KLF17: variants seen among roughly 807,000 people sequenced by gnomAD.
The protein encoded by KLF17 is KLF transcription factor 17.
Under a neutral mutation model 34.2 loss-of-function variants are expected in KLF17, and 31 were observed. The ratio of observed to expected loss-of-function variants is 0.91; its 90% CI spans 0.68 to 1.22. KLF17 has a LOEUF of 1.22. KLF17 is among the 50% of genes most tolerant of loss of function. The pLI, the probability that KLF17 is intolerant of heterozygous loss-of-function variation, is 0.00. For missense variants in KLF17, 478 were observed against 505.2 expected (o/e 0.95, Z 0.52); for synonymous variants, 179 against 186.7 (o/e 0.96, Z 0.34).
chr1:44,094,316 T>A, the KLF17 span, among the ~76,000 whole-genome samples: 4 of 152,242 alleles, frequency 2.6e-5, no homozygotes, highest in Non-Finnish European at 4.4e-5. Flanking sequence ...TTGTTAATTG[T>A]TTCCTCTGCT....
chr1:44,127,706 T>TTC lies in KLF17; in HGVS notation c.82-1645_82-1644dup, dbSNP rs1557732075. Among the ~76,000 whole-genome samples the TTC allele has an allele frequency of 2.9e-3, 390 of 132,834 alleles. 6 individuals are homozygous for TTC. Among genetic ancestry groups the TTC allele is most frequent in the African/African-American group, 0.013 (369 of 27,964 alleles). 87.1% of individuals were successfully genotyped at this position (132,834 alleles called of 152,430 possible). A position where few individuals can be genotyped will look rare whatever the true frequency, so the allele number is the denominator to read the frequency against. On this transcript the variant is annotated intron_variant, in intron 1 of 3. Coordinates refer to ENST00000372299, the MANE Select transcript of KLF17 (RefSeq NM_173484.4). ...TCTTTCTTTCTTTTTCTTTCTTTCTTTCTTTCTTCTCTTTTCTTTCTTTCT... is the reference window on the plus strand; with the variant it reads ...TCTTTCTTTCTTTTTCTTTCTTTCTTTCTCTTTCTTCTCTTTTCTTTCTTTCT...
the KLF17 span, among the ~76,000 whole-genome samples, chr1:44,056,099 C>T: frequency 6.6e-6 from 1 of 152,208 alleles, no homozygotes; most frequent in Non-Finnish European, 1.5e-5. Context: ...GACAGTCCTT[C>T]CCTCAAGGTT....
At chr1:44,044,456 C>T in the KLF17 span, 29,985 of 152,196 alleles carry the variant, frequency 0.2, 3,201 homozygotes, top group East Asian at 0.32. Context: ...GACAGCAATT[C>T]GAAAAGAACC....
chr1:44,067,273 A>T, the KLF17 span, among the ~76,000 whole-genome samples: 1 of 152,188 alleles, frequency 6.6e-6, no homozygotes, highest in African/African-American at 2.4e-5. Context: ...TTGGCTTTGC[A>T]GACAACAGGA....
chr1:44,047,026 C>CAA, the KLF17 span, among the ~76,000 whole-genome samples: 35 of 83,478 alleles, frequency 4.2e-4, no homozygotes, highest in Non-Finnish European at 6.0e-4. Flanking sequence ...GACTCAGTCT[C>CAA]AAAAAAAAAA....
At chr1:44,060,214 A>T in the KLF17 span, among the ~76,000 whole-genome samples, 5 of 152,272 alleles carry the variant, frequency 3.3e-5, no homozygotes, top group African/African-American at 1.2e-4. Flanking sequence ...TCACACTTGT[A>T]ATCCCAGCAC....
the KLF17 span, among the ~76,000 whole-genome samples, chr1:44,056,167 A>G: frequency 6.6e-6 from 1 of 152,202 alleles, no homozygotes; most frequent in African/African-American, 2.4e-5. Flanking sequence ...AGGGAACTAC[A>G]GTTAACTAAT....
the KLF17 span, among the ~76,000 whole-genome samples, chr1:44,055,432 A>G: frequency 6.1e-3 from 922 of 152,182 alleles, 19 homozygotes; most frequent in African/African-American, 0.021. Flanking sequence ...AAGACCATAC[A>G]TTTTCCCACG....
chr1:44,110,461 C>A, the KLF17 span: 2 of 152,060 alleles, frequency 1.3e-5, no homozygotes, highest in Admixed American at 6.6e-5. Context: ...GAGTCCAAGG[C>A]GGGCAGATCA....
At chr1:44,120,375 G>A (rs887686984) in intron 1 of KLF17, among the ~76,000 whole-genome samples, 5 of 152,250 alleles carry the variant, frequency 3.3e-5, no homozygotes, top group African/African-American at 1.2e-4. Flanking sequence ...AGCAGGGAAA[G>A]GGAAATCTGC....
the KLF17 span, among the ~76,000 whole-genome samples, chr1:44,097,111 C>T: frequency 2.1e-4 from 32 of 152,150 alleles, no homozygotes; most frequent in Middle Eastern, 3.4e-3. Context: ...TTGTTTTTGT[C>T]GGGTTGATCA....
rs753421834 is a variant in KLF17, at chr1:44,127,692, T to TTCTTTCTTTTTC, written c.82-1660_82-1659insCTTTCTTTTTCT. Among the ~76,000 whole-genome samples, 334 of 90,088 alleles carry TTCTTTCTTTTTC rather than the reference T, an allele frequency of 3.7e-3. 4 individuals carry two copies. The highest frequency in any genetic ancestry group is 0.013 in the African/African-American group (235 of 18,106). 59.1% of individuals were successfully genotyped at this position (90,088 alleles called of 152,430 possible). On this transcript the variant is annotated intron_variant, in intron 1 of 3. Coordinates refer to ENST00000372299, the MANE Select transcript of KLF17 (RefSeq NM_173484.4). ...TTTCTTTCTTTCTTTCTTTCTTTCT[T>TTCTTTCTTTTTC]TTTCTTTCTTTCTTTCTTTCTTCTC...
At chr1:44,132,682 C>T (rs1280712355) in intron 3 of KLF17, among the ~76,000 whole-genome samples, 2 of 152,036 alleles carry the variant, frequency 1.3e-5, no homozygotes, top group East Asian at 3.9e-4. Context: ...GAGAGGAGGA[C>T]CTAAGCCTGG....
At chr1:44,111,668 C>A in the KLF17 span, among the ~76,000 whole-genome samples, 1 of 151,902 alleles carries the variant, frequency 6.6e-6, no homozygotes, top group African/African-American at 2.4e-5. Context: ...CCGAGGTGGG[C>A]GGATCATGAG....
intron 2 of KLF17, 40 bp downstream of exon 2, chr1:44,130,236 C>T: frequency 6.4e-7 from 1 of 1,567,778 alleles, no homozygotes. Context: ...GGAGGAGTCT[C>T]TGGGCTTTAG....
chr1:44,122,540 C>T (rs535411936), intron 1 of KLF17: 21 of 814,280 alleles, frequency 2.6e-5, no homozygotes, highest in Middle Eastern at 2.2e-4. Context: ...CCTTTGGGTC[C>T]GATAGCACAC....
At chr1:44,120,394 CTG>C (rs2087932894) in intron 1 of KLF17, among the ~76,000 whole-genome samples, 3 of 152,158 alleles carry the variant, frequency 2.0e-5, no homozygotes, top group Admixed American at 2.0e-4. Flanking sequence ...GCAAAAGAAA[CTG>C]TGAAGGAGGG....
the KLF17 span, among the ~76,000 whole-genome samples, chr1:44,059,110 T>G: frequency 1.3e-5 from 2 of 152,182 alleles, no homozygotes; most frequent in African/African-American, 2.4e-5. Context: ...CTGTTTCTTA[T>G]GAGTTGCAGC....
chr1:44,123,138 C>T (rs190613312), intron 1 of KLF17, among the ~76,000 whole-genome samples: 1 of 152,138 alleles, frequency 6.6e-6, no homozygotes, highest in Non-Finnish European at 1.5e-5. Flanking sequence ...GTATTCCAGC[C>T]CAAAATGAAC....
Sources: gnomAD v4.1 joint callset for allele counts (sites outside exome capture counted in the v4.1 genomes callset) on GRCh38, gnomAD v4.1.1 for gene constraint, MANE v1.5 for transcripts, NCBI Gene and HGNC (gene_info 2026-07-23, HGNC 2026-07-21) for gene names.